The following CLVS2 variants were observed in gnomAD, a reference collection of about 807,000 sequenced individuals.
CLVS2 encodes clavesin-2.
A neutral mutation model predicts 29.0 loss-of-function variants in CLVS2; 19 were observed. The ratio of observed to expected loss-of-function variants is 0.66; its 90% CI spans 0.46 to 0.96. The LOEUF (loss-of-function observed/expected upper bound fraction) is 0.96, where lower values mean the gene tolerates loss of function less well. Among genes scored for constraint, CLVS2 ranks in the 40% least tolerant of loss-of-function variants. CLVS2 has a pLI of 0.00. For synonymous variants in CLVS2, 161 were observed against 151.3 expected, an observed-to-expected ratio of 1.06 and a Z score of -0.47; for missense variants, 294 against 404.1, an observed-to-expected ratio of 0.73 and a Z score of 2.34.
At chr6:123,026,679 T>A (rs2114328177) in intron 3 of CLVS2, among the ~76,000 whole-genome samples, 1 of 152,288 alleles carries the variant, frequency 6.6e-6, no homozygotes, top group Middle Eastern at 3.4e-3. Flanking sequence ...AGTTATCAGA[T>A]TCATATAAAA....
chr6:123,028,787 C>T (rs1775039344), intron 3 of CLVS2, among the ~76,000 whole-genome samples: 1 of 152,102 alleles, frequency 6.6e-6, no homozygotes, highest in African/African-American at 2.4e-5. Context: ...ACCTGTTTCT[C>T]TATCCCTTTC....
At chr6:123,062,268 G>A (rs576430305) in intron 5 of CLVS2, among the ~76,000 whole-genome samples, 1 of 152,044 alleles carries the variant, frequency 6.6e-6, no homozygotes, top group African/African-American at 2.4e-5. Flanking sequence ...TTGTGCAATT[G>A]TCTCCTTTGT....
chr6:123,017,362 A>G (rs934386339), intron 3 of CLVS2, among the ~76,000 whole-genome samples: 2 of 152,056 alleles, frequency 1.3e-5, no homozygotes, highest in Admixed American at 6.6e-5. Context: ...AGCAATGCCT[A>G]TCTTTTTGAA....
At chr6:123,052,284 G>A (rs920046375) in intron 4 of CLVS2, among the ~76,000 whole-genome samples, 11 of 152,122 alleles carry the variant, frequency 7.2e-5, no homozygotes, top group African/African-American at 2.4e-4. Flanking sequence ...CAGGATGTAG[G>A]TCAACAAGCC....
intron 3 of CLVS2, among the ~76,000 whole-genome samples, chr6:123,027,411 C>T (rs937619590): frequency 6.6e-6 from 1 of 152,152 alleles, no homozygotes; most frequent in Non-Finnish European, 1.5e-5. Context: ...TTAGTGCAGG[C>T]CAAGCGATAA....
intron 3 of CLVS2, among the ~76,000 whole-genome samples, chr6:123,042,453 A>G (rs1044789787): frequency 6.6e-6 from 1 of 152,148 alleles, no homozygotes; most frequent in African/African-American, 2.4e-5. Flanking sequence ...GGGCAGCATG[A>G]GATTTTAATG....
chr6:123,045,490 T>G (rs987460916), intron 3 of CLVS2, among the ~76,000 whole-genome samples: 35 of 151,830 alleles, frequency 2.3e-4, no homozygotes, highest in African/African-American at 6.8e-4. Context: ...CAGACATTGC[T>G]GCAAACAATC....
chr6:122,999,238 T>C lies in CLVS2; in HGVS notation c.389+1072T>C, dbSNP rs200891901. Among the ~76,000 whole-genome samples the C allele has an allele frequency of 1.3e-5, 2 of 152,194 alleles. 1 individual carries two copies. The highest frequency in any genetic ancestry group is 3.9e-4 in the East Asian group (2 of 5,192). ...TCTCTGGAGCCATCGTACAAGACAT[T>C]TACAGTTACCAAGAGGGCTTATGGA... On this transcript the variant is annotated intron_variant, in intron 2 of 5. Transcript: ENST00000275162.
intron 3 of CLVS2, among the ~76,000 whole-genome samples, chr6:123,032,001 A>G (rs1395025112): frequency 6.6e-6 from 1 of 152,020 alleles, no homozygotes; most frequent in Non-Finnish European, 1.5e-5. Flanking sequence ...TTTTTTGGGC[A>G]ATTATTTCTA....
chr6:123,018,942 A>G (rs1346257200), intron 3 of CLVS2, among the ~76,000 whole-genome samples: 1 of 152,066 alleles, frequency 6.6e-6, no homozygotes, highest in Non-Finnish European at 1.5e-5. Flanking sequence ...CATTGACTCA[A>G]CCATCTCTCA....
In CLVS2 at chr6:122,997,553, G is replaced by A. The variant is rs149720920; in HGVS notation, c.-225G>A. 1.7e-6 allele frequency: 1 copy of A among 585,692 alleles called. No individual in the cohort carries two copies. The highest frequency in any genetic ancestry group is 3.1e-6 in the Non-Finnish European group (1 of 323,506). The allele number at this position is 585,692 out of a possible 1,614,324, so 36.3% of individuals were successfully genotyped here. A position where few individuals can be genotyped will look rare whatever the true frequency, so the allele number is the denominator to read the frequency against. On this transcript the variant is annotated 5_prime_UTR_variant, in exon 2 of 6. Transcript: ENST00000275162. ...GCCAAAGTAGGGTGTTGTATTTTAG[G>A]GGGCAGAGGAAGAAGTTTACACCCC...
intron 3 of CLVS2, among the ~76,000 whole-genome samples, chr6:123,037,264 A>G (rs1035537551): frequency 6.6e-6 from 1 of 152,048 alleles, no homozygotes; most frequent in Non-Finnish European, 1.5e-5. Context: ...GCTTTCAGCT[A>G]TTCTCTCCCA....
At chr6:123,013,400 A>T (rs1774780638) in intron 3 of CLVS2, among the ~76,000 whole-genome samples, 1 of 152,056 alleles carries the variant, frequency 6.6e-6, no homozygotes, top group Admixed American at 6.6e-5. Flanking sequence ...AGAAGATTTT[A>T]AATAAGTCAA....
Position 123,003,506 on chromosome 6 carries a change from G to A in CLVS2, c.389+5340G>A, listed in dbSNP as rs532470150. Among the ~76,000 whole-genome samples the A allele has an allele frequency of 9.9e-5, 15 of 152,204 alleles. 1 individual carries two copies. The highest frequency in any genetic ancestry group is 8.3e-4 in the South Asian group (4 of 4,814). On this transcript the variant is annotated intron_variant, in intron 2 of 5. Transcript: ENST00000275162. ...CACTATTATCGTAACATGAAGGAAAGGATACTCCTGTATGTGGGATCGTTA... is the reference window on the plus strand; with the variant it reads ...CACTATTATCGTAACATGAAGGAAAAGATACTCCTGTATGTGGGATCGTTA...
chr6:123,040,968 C>G (rs1421315165), intron 3 of CLVS2, among the ~76,000 whole-genome samples: 1 of 151,842 alleles, frequency 6.6e-6, no homozygotes, highest in Non-Finnish European at 1.5e-5. Context: ...TCACAAAACT[C>G]TCATTTTTCC....
chr6:123,012,062 C>CTTCGA (rs1432290155), intron 3 of CLVS2, among the ~76,000 whole-genome samples: 1 of 151,890 alleles, frequency 6.6e-6, no homozygotes, highest in African/African-American at 2.4e-5. Context: ...TGCTGGAAAT[C>CTTCGA]TTCGATTTCT....
intron 2 of CLVS2, among the ~76,000 whole-genome samples, chr6:123,010,056 T>C (rs949385549): frequency 1.3e-5 from 2 of 152,070 alleles, no homozygotes; most frequent in African/African-American, 2.4e-5. Flanking sequence ...TTTTGCATTA[T>C]TGATATTGAT....
At chr6:123,013,290 C>T (rs1273381613) in intron 3 of CLVS2, among the ~76,000 whole-genome samples, 1 of 151,926 alleles carries the variant, frequency 6.6e-6, no homozygotes, top group Non-Finnish European at 1.5e-5. Flanking sequence ...AAGATACATA[C>T]ACAGTTTTAG....
At position 123,067,462 on chromosome 6, in the gene CLVS2, A is replaced by G. The variant is rs1419757303; in HGVS notation, c.*3701A>G. The G allele has an allele frequency of 6.6e-6, 1 of 151,686 alleles. No individual in the cohort carries two copies. Among genetic ancestry groups the G allele is most frequent in the African/African-American group, 2.4e-5 (1 of 41,388 alleles). The allele number at this position is 151,686 out of a possible 1,614,324, so 9.4% of individuals were successfully genotyped here. ...GTACACTCTTCTGTTGTTTTATTTA[A>G]AGGTCTGCCTTGTGTGGTTGGTGAA... is the stretch of plus-strand genomic sequence containing the variant. On this transcript the variant is annotated 3_prime_UTR_variant, in exon 6 of 6. Coordinates refer to ENST00000275162, the MANE Select transcript of CLVS2 (RefSeq NM_001010852.4).
Sources: gnomAD v4.1 joint callset for allele counts (sites outside exome capture counted in the v4.1 genomes callset) on GRCh38, gnomAD v4.1.1 for gene constraint, MANE v1.5 for transcripts, NCBI Gene and HGNC (gene_info 2026-07-23, HGNC 2026-07-21) for gene names.